ACTR2: variants seen among roughly 807,000 people sequenced by gnomAD.
The protein encoded by ACTR2 is actin-related protein 2.
A neutral mutation model predicts 50.2 loss-of-function variants in ACTR2; 5 were observed. That is an observed-to-expected ratio of 0.10 (90% CI 0.05 to 0.21). ACTR2 has a LOEUF of 0.21. Among genes scored for constraint, ACTR2 ranks in the 10% least tolerant of loss-of-function variants. The pLI, the probability that ACTR2 is intolerant of heterozygous loss-of-function variation, is 1.00. For missense variants in ACTR2, 180 were observed against 480.6 expected, an observed-to-expected ratio of 0.37 and a Z score of 5.85; for synonymous variants, 140 against 162.9, an observed-to-expected ratio of 0.86 and a Z score of 1.07.
intron 4 of ACTR2, among the ~76,000 whole-genome samples, chr2:65,252,663 A>G (rs894084280): frequency 6.6e-6 from 1 of 151,906 alleles, no homozygotes; most frequent in Non-Finnish European, 1.5e-5. Context: ...TATGTAAATA[A>G]AAATAAATAA....
intron 5 of ACTR2, among the ~76,000 whole-genome samples, chr2:65,254,841 A>G (rs1672117501): frequency 6.6e-6 from 1 of 152,244 alleles, no homozygotes; most frequent in Non-Finnish European, 1.5e-5. Flanking sequence ...AGATTAAATT[A>G]ATGAGAATTA....
intron 6 of ACTR2, among the ~76,000 whole-genome samples, chr2:65,258,645 T>TAC (rs1209228459): frequency 1.8e-4 from 27 of 151,998 alleles, no homozygotes; most frequent in Admixed American, 4.6e-4. Flanking sequence ...CACACACATA[T>TAC]ACACAAGTAT....
At chr2:65,251,125 A>G in intron 4 of ACTR2, 26 bp downstream of exon 4, 1 of 1,506,390 alleles carries the variant, frequency 6.6e-7, no homozygotes. Context: ...CTGTTAGAAA[A>G]AACACTTCAT....
intron 4 of ACTR2, among the ~76,000 whole-genome samples, chr2:65,253,412 C>A (rs771463663): frequency 6.6e-6 from 1 of 151,802 alleles, no homozygotes; most frequent in African/African-American, 2.4e-5. Context: ...CACTGTACTC[C>A]TCCAGCCTGG....
intron 6 of ACTR2, among the ~76,000 whole-genome samples, chr2:65,258,438 C>T (rs370738829): frequency 4.6e-5 from 7 of 151,724 alleles, no homozygotes; most frequent in Admixed American, 1.3e-4. Flanking sequence ...ATTTGCCAGG[C>T]GTAGTGGCAC....
chr2:65,242,153 AG>A (rs551860130), intron 2 of ACTR2: 17 of 890,900 alleles, frequency 1.9e-5, no homozygotes, highest in East Asian at 2.5e-5. Flanking sequence ...AGTATTGGGG[AG>A]GGGGGGTTAT....
intron 6 of ACTR2, among the ~76,000 whole-genome samples, chr2:65,261,024 C>T (rs544714050): frequency 6.6e-6 from 1 of 152,160 alleles, no homozygotes; most frequent in African/African-American, 2.4e-5. Flanking sequence ...GCCACCACGC[C>T]CAGCCTGGCA....
intron 2 of ACTR2, among the ~76,000 whole-genome samples, chr2:65,241,002 G>GT (rs1344411758): frequency 8.9e-4 from 130 of 146,768 alleles, no homozygotes; most frequent in South Asian, 2.1e-3. Flanking sequence ...TTCTGTGTTA[G>GT]TTTTTTTTTT....
intron 6 of ACTR2, among the ~76,000 whole-genome samples, chr2:65,260,521 A>G (rs1672248600): frequency 6.6e-6 from 1 of 152,320 alleles, no homozygotes; most frequent in Middle Eastern, 3.4e-3. Context: ...TCAGTCAATC[A>G]GTGTTTTAAC....
At chr2:65,230,525 C>T (rs2103977544) in intron 1 of ACTR2, among the ~76,000 whole-genome samples, 1 of 150,028 alleles carries the variant, frequency 6.7e-6, no homozygotes, top group South Asian at 2.1e-4. Context: ...GGTTCTCCTG[C>T]TTCAGCCTCC....
chr2:65,251,177 TCTCAATAAGTTATAAG>T, intron 4 of ACTR2, 78 bp downstream of exon 4: 1 of 1,003,586 alleles, frequency 1.0e-6, no homozygotes, highest in Non-Finnish European at 1.5e-6. Flanking sequence ...GAATTTGGTT[TCTCAATAAGTTATAAG>T]CCCCAGAAAA....
At chr2:65,246,433 G>T (rs1671941360) in intron 2 of ACTR2, 91 bp from the exon 3 acceptor site, 1 of 857,050 alleles carries the variant, frequency 1.2e-6, no homozygotes, top group Admixed American at 3.0e-5. Context: ...GATTTATTTT[G>T]CAAGTGTCAG....
intron 2 of ACTR2, among the ~76,000 whole-genome samples, chr2:65,241,390 A>G (rs1671838130): frequency 6.6e-6 from 1 of 152,170 alleles, no homozygotes; most frequent in African/African-American, 2.4e-5. Context: ...CTTCATGCCC[A>G]CTTTCTTCGT....
chr2:65,263,713 C>T (rs1000205038), intron 7 of ACTR2, among the ~76,000 whole-genome samples: 3 of 152,208 alleles, frequency 2.0e-5, no homozygotes, highest in Non-Finnish European at 4.4e-5. Context: ...TGATTTTGTT[C>T]TTTGATGTTC....
chr2:65,261,492 T>C, intron 7 of ACTR2, 100 bp downstream of exon 7: 1 of 1,158,530 alleles, frequency 8.6e-7, no homozygotes, highest in South Asian at 1.7e-5. Flanking sequence ...ATAGAATGAC[T>C]AAGTTTATAA....
chr2:65,237,853 A>C (rs1171254872), intron 1 of ACTR2, among the ~76,000 whole-genome samples: 1 of 152,038 alleles, frequency 6.6e-6, no homozygotes, highest in Admixed American at 6.5e-5. Flanking sequence ...GGTGAGGTAC[A>C]CCTGTAGTCC....
intron 6 of ACTR2, among the ~76,000 whole-genome samples, chr2:65,256,895 A>T (rs979218938): frequency 6.8e-6 from 1 of 147,114 alleles, no homozygotes; most frequent in East Asian, 2.1e-4. Context: ...AAAAAAAAAA[A>T]GTTAAGATAG....
At chr2:65,232,496 G>T (rs1269114111) in intron 1 of ACTR2, among the ~76,000 whole-genome samples, 1 of 152,170 alleles carries the variant, frequency 6.6e-6, no homozygotes, top group Non-Finnish European at 1.5e-5. Context: ...CTTGCAAAAT[G>T]CTTTGGTATA....
chr2:65,264,895 A>G (rs1447682217), intron 7 of ACTR2, 148 bp from the exon 8 acceptor site: 4 of 856,200 alleles, frequency 4.7e-6, no homozygotes, highest in African/African-American at 3.4e-5. Flanking sequence ...CACAGTAGTA[A>G]TAACAGCAAA....
Sources: allele counts gnomAD v4.1 joint callset (sites outside exome capture counted in the v4.1 genomes callset), GRCh38; gene constraint gnomAD v4.1.1; transcripts MANE v1.5; gene names NCBI Gene and HGNC (gene_info 2026-07-23, HGNC 2026-07-21).